Variants in TMEFF2 observed in about 807,000 individuals in gnomAD.
The protein encoded by TMEFF2 is tomoregulin-2.
A neutral mutation model predicts 53.8 loss-of-function variants in TMEFF2; 28 were observed. The observed-to-expected ratio is 0.52, with a 90% confidence interval of 0.39 to 0.71. TMEFF2 has a LOEUF of 0.71. Among genes scored for constraint, TMEFF2 ranks in the 30% least tolerant of loss-of-function variants. The probability of loss-of-function intolerance (pLI) is 0.00; values close to 1 mark genes in which losing one functional copy is unlikely to be tolerated. For synonymous variants in TMEFF2, 162 were observed against 166.3 expected, an observed-to-expected ratio of 0.97 and a Z score of 0.20; for missense variants, 353 against 455.2, an observed-to-expected ratio of 0.78 and a Z score of 2.04.
intron 4 of TMEFF2, 140 bp downstream of exon 4, chr2:192,179,528 A>T (rs1453618097): frequency 7.1e-6 from 6 of 844,332 alleles, no homozygotes; most frequent in Non-Finnish European, 1.1e-5. Context: ...TAATATGGTG[A>T]CAATTTTTTA....
chr2:192,024,593 G>T lies in TMEFF2; in HGVS notation c.537-25385C>A, dbSNP rs1574299047. 2.6e-5 allele frequency among the ~76,000 whole-genome samples: 4 copies of T among 152,308 alleles called. No individual in the cohort carries two copies. In the Middle Eastern group the frequency reaches 0.014, roughly 518 times the overall value. Reference sequence around the variant, plus strand: ...AGCAGGCACATTTTCTAATAATGGAGACACGTTTTAAAATATATACTCGCG... The same window carrying T: ...AGCAGGCACATTTTCTAATAATGGATACACGTTTTAAAATATATACTCGCG... On this transcript the variant is annotated intron_variant, in intron 5 of 9. Transcript: ENST00000272771.
chr2:191,986,859 GA>G (rs35061261), intron 7 of TMEFF2, among the ~76,000 whole-genome samples: 191 of 76,550 alleles, frequency 2.5e-3, no homozygotes, highest in East Asian at 8.6e-3. Context: ...CTCCGTCTCA[GA>G]AAAAAAAAAA....
At chr2:192,096,673 T>G (rs1276605767) in intron 4 of TMEFF2, among the ~76,000 whole-genome samples, 10 of 135,934 alleles carry the variant, frequency 7.4e-5, no homozygotes, top group East Asian at 4.4e-4. Flanking sequence ...TCTCTCTCTT[T>G]TTTTTTTTTT....
chr2:192,123,302 G>A (rs1469093636), intron 4 of TMEFF2, among the ~76,000 whole-genome samples: 2 of 152,040 alleles, frequency 1.3e-5, no homozygotes, highest in Non-Finnish European at 2.9e-5. Flanking sequence ...GTGCTAATTT[G>A]ATTTTCTCCT....
chr2:191,975,188 G>C (rs1037010948), intron 7 of TMEFF2, among the ~76,000 whole-genome samples: 18 of 148,064 alleles, frequency 1.2e-4, no homozygotes, highest in Non-Finnish European at 1.8e-4. Context: ...AAATTTGACA[G>C]TGATTATTTC....
At chr2:192,072,786 T>C (rs911627607) in intron 4 of TMEFF2, among the ~76,000 whole-genome samples, 1 of 151,818 alleles carries the variant, frequency 6.6e-6, no homozygotes, top group African/African-American at 2.4e-5. Flanking sequence ...CATTTTTAAA[T>C]GGGAGAGAAG....
At chr2:192,110,937 T>C (rs1372606110) in intron 4 of TMEFF2, among the ~76,000 whole-genome samples, 1 of 152,138 alleles carries the variant, frequency 6.6e-6, no homozygotes, top group Non-Finnish European at 1.5e-5. Context: ...GAAGCCCTTT[T>C]TTGCTTTGCT....
At chr2:192,155,745 A>C (rs1690491940) in intron 4 of TMEFF2, among the ~76,000 whole-genome samples, 1 of 152,204 alleles carries the variant, frequency 6.6e-6, no homozygotes, top group African/African-American at 2.4e-5. Context: ...CAACAAAGAG[A>C]ACTGCCAAGA....
rs867930395 is a variant in TMEFF2, at chr2:192,194,039, G to T, written c.172+314C>A. On this transcript the variant is annotated intron_variant, in intron 1 of 9. Transcript: ENST00000272771. The surrounding 1 kb of genome is among the most constrained non-coding windows in gnomAD (Gnocchi z 4.2). Reference sequence around the variant, plus strand: ...TGTTTCAGTGTTTCCCCTAGGATTGGTGCTCTTTCAAAACAGTGAACCCAG... The same window carrying T: ...TGTTTCAGTGTTTCCCCTAGGATTGTTGCTCTTTCAAAACAGTGAACCCAG... 6.6e-5 allele frequency among the ~76,000 whole-genome samples: 10 copies of T among 152,190 alleles called. No homozygotes were observed. The highest frequency in any genetic ancestry group is 3.4e-3 in the Middle Eastern group (1 of 294).
intron 5 of TMEFF2, among the ~76,000 whole-genome samples, chr2:192,001,217 T>G: frequency 6.6e-6 from 1 of 152,200 alleles, no homozygotes; most frequent in East Asian, 1.9e-4. Flanking sequence ...TATAAAGTTG[T>G]TTGTTAGCAA....
chr2:192,157,106 A>C (rs1690523655), intron 4 of TMEFF2, among the ~76,000 whole-genome samples: 1 of 152,040 alleles, frequency 6.6e-6, no homozygotes. Flanking sequence ...ATTTAGGGAA[A>C]TCAGTGTCAA....
chr2:192,075,203 A>G (rs946197443), intron 4 of TMEFF2, among the ~76,000 whole-genome samples: 2 of 148,296 alleles, frequency 1.3e-5, no homozygotes, highest in African/African-American at 5.0e-5. Flanking sequence ...TGGCTTCTAT[A>G]TTTGCAATTA....
At chr2:192,112,213 A>T (rs1208510482) in intron 4 of TMEFF2, among the ~76,000 whole-genome samples, 1 of 152,072 alleles carries the variant, frequency 6.6e-6, no homozygotes, top group Non-Finnish European at 1.5e-5. Flanking sequence ...CGCTGCATAC[A>T]CTCAACACTA....
chr2:191,982,552 C>T (rs1685878697), intron 7 of TMEFF2, among the ~76,000 whole-genome samples: 2 of 148,598 alleles, frequency 1.3e-5, no homozygotes, highest in Non-Finnish European at 3.0e-5. Context: ...ACACTAGTTT[C>T]AAAATTACAT....
At chr2:192,184,225 A>C in intron 3 of TMEFF2, 129 bp downstream of exon 3, 1 of 1,209,212 alleles carries the variant, frequency 8.3e-7, no homozygotes, top group South Asian at 1.6e-5. Context: ...AATGTTTTGA[A>C]CAAAACAATA....
At chr2:192,072,909 T>C (rs1688324688) in intron 4 of TMEFF2, among the ~76,000 whole-genome samples, 1 of 151,842 alleles carries the variant, frequency 6.6e-6, no homozygotes, top group Admixed American at 6.6e-5. Context: ...ACAACACAAG[T>C]ACTCCAAATG....
intron 4 of TMEFF2, among the ~76,000 whole-genome samples, chr2:192,075,332 T>TATATATATATACACACAC (rs796267672): frequency 3.4e-5 from 3 of 88,142 alleles, no homozygotes; most frequent in Non-Finnish European, 6.7e-5. Context: ...TATATATATA[T>TATATATATATACACACAC]ACATACATAC....
chr2:192,179,554 TA>T, intron 4 of TMEFF2, 113 bp downstream of exon 4: 1 of 1,238,726 alleles, frequency 8.1e-7, no homozygotes, highest in Admixed American at 2.7e-5. Context: ...TCACCTTTCC[TA>T]AAATGCAAAA....
chr2:192,090,630 T>C (rs1688769013), intron 4 of TMEFF2, among the ~76,000 whole-genome samples: 1 of 152,166 alleles, frequency 6.6e-6, no homozygotes, highest in Admixed American at 6.6e-5. Flanking sequence ...ATCATTGATG[T>C]AGGAGCACCA....
Sources: allele counts gnomAD v4.1 joint callset (sites outside exome capture counted in the v4.1 genomes callset), GRCh38; gene constraint gnomAD v4.1.1; non-coding constraint Gnocchi (gnomAD v3.1); transcripts MANE v1.5; gene names NCBI Gene and HGNC (gene_info 2026-07-23, HGNC 2026-07-21).